The following DPP8 variants were observed in gnomAD, a reference collection of about 807,000 sequenced individuals.
DPP8 encodes the protein DPP VIII.
A neutral mutation model predicts 107.5 loss-of-function variants in DPP8; 31 were observed. The observed-to-expected ratio is 0.29, with a 90% CI of 0.22 to 0.39. The LOEUF (loss-of-function observed/expected upper bound fraction) is 0.39. Ranked by LOEUF, DPP8 falls within the 10% of genes least tolerant of loss-of-function variation. The pLI is 1.00. For missense variants in DPP8, 842 were observed against 1,076.1 expected (o/e 0.78, Z 3.04); for synonymous variants, 381 against 356.6 (o/e 1.07, Z -0.77).
intron 11 of DPP8, chr15:65,475,300 T>C (rs899168317): frequency 2.7e-6 from 2 of 740,940 alleles, no homozygotes; most frequent in African/African-American, 3.4e-5. Context: ...TCCACCCCAG[T>C]GGTAGGTGGA....
At chr15:65,485,262 G>C in intron 7 of DPP8, 102 bp from the exon 8 acceptor site, 1 of 901,530 alleles carries the variant, frequency 1.1e-6, no homozygotes. Flanking sequence ...ATAACGTATA[G>C]GTCGGGTGCA....
Position 65,500,660 on chromosome 15 carries a change from A to G in DPP8, c.492T>C (p.Phe164=). The part of the protein sequence containing the change: ...DYHQGSGTFL[F]QAGSGIYHVK... Reference sequence around the variant, plus strand: ...CGTGATAAATTCCACTACCGGCTTGAAACAGAAATGTTCCACTTCCTTGGT... The same window carrying G: ...CGTGATAAATTCCACTACCGGCTTGGAACAGAAATGTTCCACTTCCTTGGT... The change falls in exon 4 of 20, where the codon TTT becomes TTC. Residue 164 remains phenylalanine (F), a synonymous_variant. Coordinates refer to ENST00000300141, the MANE Select transcript of DPP8 (RefSeq NM_130434.5). 6.2e-7 allele frequency: 1 copy of G among 1,614,072 alleles called. No homozygotes were observed. Among genetic ancestry groups the G allele is most frequent in the South Asian group, 1.1e-5 (1 of 91,090 alleles).
chr15:65,512,187 A>G, intron 2 of DPP8, 108 bp downstream of exon 2: 1 of 1,142,358 alleles, frequency 8.8e-7, no homozygotes, highest in Non-Finnish European at 1.3e-6. Flanking sequence ...ATGAAACCAA[A>G]AGTCACTGAT....
At chr15:65,513,755 T>C (rs1381642722) in intron 1 of DPP8, among the ~76,000 whole-genome samples, 1 of 152,132 alleles carries the variant, frequency 6.6e-6, no homozygotes, top group Non-Finnish European at 1.5e-5. Context: ...TTTATTCTCA[T>C]TTCACAAATC....
intron 12 of DPP8, 113 bp downstream of exon 12, chr15:65,474,096 C>T: frequency 2.5e-6 from 2 of 791,942 alleles, no homozygotes; most frequent in African/African-American, 3.4e-5. Context: ...CAGAGCAAGA[C>T]TCTGTCTCGG....
intron 3 of DPP8, among the ~76,000 whole-genome samples, chr15:65,506,123 A>G (rs992259549): frequency 4.0e-4 from 61 of 151,128 alleles, no homozygotes; most frequent in African/African-American, 1.5e-3. Flanking sequence ...CGAGGTCAGG[A>G]GATCGAGACC....
At chr15:65,475,371 A>T in intron 11 of DPP8, 1 of 1,440,430 alleles carries the variant, frequency 6.9e-7, no homozygotes, top group Non-Finnish European at 9.7e-7. Context: ...TTGGAGGAAC[A>T]GGAGAACTGG....
rs2071615391 is a variant in DPP8, at chr15:65,517,548, A to G, written c.-74T>C. 1 of 152,348 alleles carries G rather than the reference A, an allele frequency of 6.6e-6. No homozygotes were observed. The highest frequency in any genetic ancestry group is 2.4e-5 in the African/African-American group (1 of 41,478). 9.4% of individuals were successfully genotyped at this position (152,348 alleles called of 1,614,324 possible). ...CTATGGAGCGGGCCTGCGCCGCTTC[A>G]TGCTGCGCCGCCTCCACTCCGGTCC... On this transcript the variant is annotated 5_prime_UTR_variant, in exon 1 of 20. It removes an upstream start codon present in the reference 5' UTR. Coordinates refer to ENST00000300141, the MANE Select transcript of DPP8 (RefSeq NM_130434.5).
chr15:65,501,837 T>C (rs2069270249), intron 3 of DPP8, among the ~76,000 whole-genome samples: 1 of 152,328 alleles, frequency 6.6e-6, no homozygotes, highest in South Asian at 2.1e-4. Flanking sequence ...CCCCAAAACC[T>C]TGCTTGAATT....
rs774528179 is a variant in DPP8 at position 65,454,434 on chromosome 15, C to G, written c.2119-19G>C. On this transcript the variant is annotated intron_variant, in intron 16 of 19. Transcript: ENST00000300141. Reference sequence around the variant, plus strand: ...TTTGACCCTGTCAAAAAAGGGAGAACATTTCACTGATTCTGATGAATAAAA... The same window carrying G: ...TTTGACCCTGTCAAAAAAGGGAGAAGATTTCACTGATTCTGATGAATAAAA... The G allele has an allele frequency of 6.3e-7, 1 of 1,578,152 alleles. No homozygotes were observed. Among genetic ancestry groups the G allele is most frequent in the Non-Finnish European group, 8.6e-7 (1 of 1,166,906 alleles).
intron 1 of DPP8, among the ~76,000 whole-genome samples, chr15:65,514,408 G>A (rs2071183629): frequency 6.6e-6 from 1 of 152,118 alleles, no homozygotes; most frequent in African/African-American, 2.4e-5. Flanking sequence ...AGACTGTGGT[G>A]GTTATATACT....
At chr15:65,470,921 A>AG (rs2065832771) in intron 12 of DPP8, among the ~76,000 whole-genome samples, 2 of 147,008 alleles carry the variant, frequency 1.4e-5, no homozygotes, top group African/African-American at 4.9e-5. Context: ...TCTTATCTCA[A>AG]AAAAAAAAAA....
intron 1 of DPP8, among the ~76,000 whole-genome samples, chr15:65,514,157 T>C (rs2071148616): frequency 6.6e-6 from 1 of 152,220 alleles, no homozygotes; most frequent in Non-Finnish European, 1.5e-5. Context: ...GCCAAAGAAC[T>C]GAATGAAGTG....
intron 3 of DPP8, among the ~76,000 whole-genome samples, chr15:65,501,141 T>C (rs1022280325): frequency 1.3e-5 from 2 of 152,056 alleles, no homozygotes; most frequent in Admixed American, 1.3e-4. Context: ...CCTCCCAAAG[T>C]GCTGGGATTA....
intron 7 of DPP8, 42 bp downstream of exon 7, chr15:65,487,648 A>G: frequency 1.9e-6 from 3 of 1,572,602 alleles, no homozygotes; most frequent in Admixed American, 1.9e-5. Context: ...CTTATTTGGA[A>G]AGAGGAAATG....
chr15:65,475,357 G>A, intron 11 of DPP8: 2 of 1,340,882 alleles, frequency 1.5e-6, no homozygotes, highest in East Asian at 2.3e-5. Flanking sequence ...TCTGAGTGTG[G>A]GCTTTGGAGG....
Position 65,463,909 on chromosome 15 carries a change from G to T in DPP8, c.1826-3C>A. ...AGGAGTATAGTCAGGAAGAGGACCT[G>T]TGAATAGGTAACATAACAGAGTCTA... On this transcript the variant is annotated splice_region_variant and splice_polypyrimidine_tract_variant and intron_variant, in intron 14 of 19. Transcript: ENST00000300141. 1 of 1,556,688 alleles carries T rather than the reference G, an allele frequency of 6.4e-7. No individual in the cohort carries two copies. Among genetic ancestry groups the T allele is most frequent in the South Asian group, 1.2e-5 (1 of 81,778 alleles).
At chr15:65,480,487 T>C in intron 9 of DPP8, 88 bp from the exon 10 acceptor site, 1 of 870,798 alleles carries the variant, frequency 1.1e-6, no homozygotes, top group Non-Finnish European at 1.7e-6. Context: ...CACCTATCAA[T>C]TATATCTGTA....
rs1415387200 is a variant in DPP8 at position 65,467,081 on chromosome 15, C to T, written c.1679G>A (p.Cys560Tyr). The T allele has an allele frequency of 6.2e-7, 1 of 1,614,098 alleles. No homozygotes were observed. The highest frequency in any genetic ancestry group is 8.5e-7 in the Non-Finnish European group (1 of 1,180,012). The stretch of plus-strand genomic sequence containing the variant: ...AAACAAACTTAATACCTGACTGATG[C>T]AGCAAGAATGTGAGTAGCCACGGTC... ...LTDRGYSHSC[C>Y]ISQHCDFFIS... Residue 560 changes from cysteine (C) to tyrosine (Y), a missense_variant, in exon 13 of 20, where the codon TGC becomes TAC. Transcript: ENST00000300141.
Sources: gnomAD v4.1 joint callset for allele counts (sites outside exome capture counted in the v4.1 genomes callset) on GRCh38, gnomAD v4.1.1 for gene constraint, MANE v1.5 for transcripts, NCBI Gene and HGNC (gene_info 2026-07-23, HGNC 2026-07-21) for gene names.